Variants in TRPC4AP observed in about 807,000 individuals in gnomAD.
TRPC4AP encodes the protein transient receptor potential cation channel subfamily C member 4 associated protein.
A neutral mutation model predicts 99.0 loss-of-function variants in TRPC4AP; 45 were observed. The observed-to-expected ratio is 0.45, with a 90% confidence interval of 0.36 to 0.58. The LOEUF (loss-of-function observed/expected upper bound fraction) is 0.58. TRPC4AP is among the 20% of genes least tolerant of loss of function. TRPC4AP has a pLI of 0.00. For missense variants in TRPC4AP, 879 were observed against 985.3 expected (o/e 0.89, Z 1.44); for synonymous variants, 408 against 385.8 (o/e 1.06, Z -0.67).
chr20:35,010,080 A>C, intron 12 of TRPC4AP, 107 bp downstream of exon 12: 1 of 823,874 alleles, frequency 1.2e-6, no homozygotes, highest in Non-Finnish European at 2.0e-6. Context: ...CTGTAGCTGC[A>C]TGTGAGAGAG....
chr20:35,085,870 A>C (rs1274285059), intron 1 of TRPC4AP, among the ~76,000 whole-genome samples: 1 of 152,206 alleles, frequency 6.6e-6, no homozygotes, highest in Non-Finnish European at 1.5e-5. Flanking sequence ...TTTTAAAAAT[A>C]ACTAAAGGCT....
At chr20:35,004,649 C>T in intron 16 of TRPC4AP, 79 bp from the exon 17 acceptor site, 1 of 1,222,030 alleles carries the variant, frequency 8.2e-7, no homozygotes, top group Non-Finnish European at 1.2e-6. Flanking sequence ...TGGAGCCCCG[C>T]TTGGGTCCTG....
At chr20:35,015,168 T>C (rs530792636) in intron 10 of TRPC4AP, among the ~76,000 whole-genome samples, 4 of 152,062 alleles carry the variant, frequency 2.6e-5, no homozygotes, top group Non-Finnish European at 4.4e-5. Flanking sequence ...GCCTGGCTAA[T>C]TTTTGTATTT....
chr20:35,050,101 G>T, intron 5 of TRPC4AP, 107 bp from the exon 6 acceptor site: 3 of 1,244,078 alleles, frequency 2.4e-6, no homozygotes, highest in Non-Finnish European at 3.3e-6. Context: ...CTGAAAACTG[G>T]CATGAGTCAA....
At chr20:35,006,297 AT>A (rs1234179935) in intron 15 of TRPC4AP, 137 bp downstream of exon 15, 1 of 1,002,058 alleles carries the variant, frequency 1.0e-6, no homozygotes, top group Admixed American at 2.4e-5. Context: ...GCAGGTTCCA[AT>A]GAATGTTTGC....
chr20:35,035,062 G>A lies in TRPC4AP; in HGVS notation c.1051+61C>T, dbSNP rs948437021. On this transcript the variant is annotated intron_variant, in intron 8 of 18. Coordinates refer to ENST00000252015, the MANE Select transcript of TRPC4AP (RefSeq NM_015638.3). ...TAATCCTTCTTGGAAAGAAGAGCAA[G>A]AATGGTCCCAGGCGCCCAAGGAAAA... 8.5e-6 allele frequency: 13 copies of A among 1,521,400 alleles called. No individual in the cohort carries two copies. In the African/African-American group the frequency reaches 1.7e-4, roughly 19 times the overall value. 94.2% of individuals were successfully genotyped at this position (1,521,400 alleles called of 1,614,324 possible).
intron 3 of TRPC4AP, among the ~76,000 whole-genome samples, chr20:35,068,000 T>C (rs1294906134): frequency 6.6e-6 from 1 of 152,120 alleles, no homozygotes; most frequent in Non-Finnish European, 1.5e-5. Context: ...ATGGGTGAAA[T>C]GTATGGTATA....
At chr20:35,065,765 T>C (rs575374394) in intron 3 of TRPC4AP, among the ~76,000 whole-genome samples, 5 of 152,164 alleles carry the variant, frequency 3.3e-5, no homozygotes, top group South Asian at 2.1e-4. Flanking sequence ...GAAGATGGGA[T>C]AGGCTCCTAC....
chr20:35,092,578 C>A, intron 1 of TRPC4AP, 36 bp downstream of exon 1: 25 of 695,242 alleles, frequency 3.6e-5, no homozygotes, highest in Non-Finnish European at 5.1e-5. Context: ...CCCGCCTGGT[C>A]CGCCCCGCCC....
At chr20:35,046,167 TA>T (rs1165771326) in intron 6 of TRPC4AP, among the ~76,000 whole-genome samples, 1 of 152,214 alleles carries the variant, frequency 6.6e-6, no homozygotes, top group Admixed American at 6.5e-5. Context: ...ATATTTGCTG[TA>T]AATTTTAATA....
chr20:35,021,101 A>T, intron 9 of TRPC4AP, 89 bp downstream of exon 9: 1 of 1,434,132 alleles, frequency 7.0e-7, no homozygotes, highest in Admixed American at 1.9e-5. Flanking sequence ...GAGCCATTCT[A>T]ACAGAAGGCC....
In TRPC4AP at chr20:35,002,831, GA is replaced by G; in HGVS notation, c.*314del. The G allele has an allele frequency of 3.8e-6, 1 of 262,904 alleles. No individual in the cohort carries two copies. 16.3% of individuals were successfully genotyped at this position (262,904 alleles called of 1,614,324 possible). A position where few individuals can be genotyped will look rare whatever the true frequency, so the allele number is the denominator to read the frequency against. On this transcript the variant is annotated 3_prime_UTR_variant, in exon 19 of 19. Coordinates refer to ENST00000252015, the MANE Select transcript of TRPC4AP (RefSeq NM_015638.3). ...CACTCTGGGACTGACTGACAGCCAA[GA>G]AACCGGCAGGAGCTCACACAGAGCT...
intron 1 of TRPC4AP, among the ~76,000 whole-genome samples, chr20:35,086,523 A>ATGTG (rs2084874931): frequency 3.0e-5 from 3 of 99,092 alleles, no homozygotes; most frequent in South Asian, 4.0e-4. Flanking sequence ...GTGTGTGTAT[A>ATGTG]TATGTGTGTG....
intron 6 of TRPC4AP, among the ~76,000 whole-genome samples, chr20:35,046,745 T>C (rs1274245239): frequency 3.3e-5 from 5 of 152,226 alleles, no homozygotes; most frequent in Admixed American, 3.3e-4. Flanking sequence ...GCTACTACTA[T>C]TATTGGCAAC....
At chr20:35,079,177 G>A (rs1439427825) in intron 1 of TRPC4AP, among the ~76,000 whole-genome samples, 1 of 152,076 alleles carries the variant, frequency 6.6e-6, no homozygotes, top group Non-Finnish European at 1.5e-5. Context: ...GAAATAAAGT[G>A]GGTCATTTCA....
chr20:35,067,038 TCTCAA>T (rs1415940991), intron 3 of TRPC4AP, among the ~76,000 whole-genome samples: 1 of 152,220 alleles, frequency 6.6e-6, no homozygotes, highest in African/African-American at 2.4e-5. Flanking sequence ...AAGAGATATA[TCTCAA>T]CTAAGAAATT....
At position 35,031,390 on chromosome 20, in the gene TRPC4AP, CTTTTTTTTTTTT is replaced by C. The variant is rs71299218; in HGVS notation, c.1051+3721_1051+3732del. ...GGTGTGCACTACTACCCCTGGTTAA[CTTTTTTTTTTTT>C]TTTTTTTTTTTTTCAAAGAGATGGG... On this transcript the variant is annotated intron_variant, in intron 8 of 18. Transcript: ENST00000252015. Among the ~76,000 whole-genome samples the C allele has an allele frequency of 9.4e-4, 69 of 73,670 alleles. 1 individual carries two copies. In the South Asian group the frequency reaches 0.029, roughly 31 times the overall value. The allele number at this position is 73,670 out of a possible 152,430, so 48.3% of individuals were successfully genotyped here.
intron 12 of TRPC4AP, among the ~76,000 whole-genome samples, chr20:35,009,240 G>A (rs2082580349): frequency 1.3e-5 from 2 of 152,232 alleles, no homozygotes; most frequent in Non-Finnish European, 2.9e-5. Context: ...GAAGGAAGAC[G>A]GCCAGGCACG....
intron 1 of TRPC4AP, among the ~76,000 whole-genome samples, chr20:35,087,588 C>T (rs1032247865): frequency 2.6e-5 from 4 of 152,146 alleles, no homozygotes; most frequent in Non-Finnish European, 5.9e-5. Context: ...TTTCCTTCAA[C>T]TCGTACTGAT....
Sources: allele counts gnomAD v4.1 joint callset (sites outside exome capture counted in the v4.1 genomes callset), GRCh38; gene constraint gnomAD v4.1.1; transcripts MANE v1.5; gene names NCBI Gene and HGNC (gene_info 2026-07-23, HGNC 2026-07-21).